PLD1: variants seen among roughly 807,000 people sequenced by gnomAD.
PLD1 encodes phospholipase D1.
Under a neutral mutation model 137.1 loss-of-function variants are expected in PLD1, and 112 were observed. That is an observed-to-expected ratio of 0.82 (90% CI 0.70 to 0.96). The LOEUF is 0.96. PLD1 is among the 40% of genes least tolerant of loss of function. The pLI, the probability that PLD1 is intolerant of heterozygous loss-of-function variation, is 0.00. For missense variants in PLD1, 1,321 were observed against 1,342.0 expected, an observed-to-expected ratio of 0.98 and a Z score of 0.24; for synonymous variants, 431 against 454.7, an observed-to-expected ratio of 0.95 and a Z score of 0.66.
intron 6 of PLD1, among the ~76,000 whole-genome samples, chr3:171,728,429 G>T (rs1054554223): frequency 6.6e-6 from 1 of 152,124 alleles, no homozygotes; most frequent in African/African-American, 2.4e-5. Flanking sequence ...TTCTTAATTG[G>T]AAAAGGTAAT....
At chr3:171,653,771 C>T (rs1348227059) in intron 21 of PLD1, 1 of 152,506 alleles carries the variant, frequency 6.6e-6, no homozygotes, top group African/African-American at 2.4e-5. Flanking sequence ...TAAGTTCTTA[C>T]ATGAACTGGT....
chr3:171,715,043 A>C (rs1261402299), intron 8 of PLD1, among the ~76,000 whole-genome samples: 2 of 152,226 alleles, frequency 1.3e-5, no homozygotes, highest in African/African-American at 4.8e-5. Context: ...TTGGGACCTA[A>C]CATGATACAA....
At chr3:171,767,247 G>A (rs1193587620) in intron 1 of PLD1, among the ~76,000 whole-genome samples, 1 of 152,122 alleles carries the variant, frequency 6.6e-6, no homozygotes, top group Non-Finnish European at 1.5e-5. Context: ...TTCTCCATAC[G>A]GCCTGGCCAC....
intron 11 of PLD1, among the ~76,000 whole-genome samples, chr3:171,707,569 C>T (rs1329984415): frequency 6.6e-6 from 1 of 152,126 alleles, no homozygotes; most frequent in Non-Finnish European, 1.5e-5. Flanking sequence ...CAGAATTAAG[C>T]TCCTCCACAA....
In PLD1 at chr3:171,692,581, C is replaced by A. The variant is rs140782934; in HGVS notation, c.1228-139G>T. 4 of 573,616 alleles carry A rather than the reference C, an allele frequency of 7.0e-6. 1 individual carries two copies. Among genetic ancestry groups the A allele is most frequent in the South Asian group, 4.2e-5 (2 of 47,222 alleles). The allele number at this position is 573,616 out of a possible 1,614,324, so 35.5% of individuals were successfully genotyped here. On this transcript the variant is annotated intron_variant, in intron 12 of 26. Transcript: ENST00000351298. Reference sequence around the variant, plus strand: ...TGTCACCCAGCCTGGAGTGCAGTGGCGCAATCTCGGCTCACTGCAACCTCC... The same window carrying A: ...TGTCACCCAGCCTGGAGTGCAGTGGAGCAATCTCGGCTCACTGCAACCTCC...
chr3:171,706,501 C>T (rs1047218251), intron 11 of PLD1, among the ~76,000 whole-genome samples: 8 of 152,020 alleles, frequency 5.3e-5, no homozygotes, highest in Admixed American at 2.0e-4. Context: ...CCTTTGTCTC[C>T]GGCCCAACCT....
intron 1 of PLD1, chr3:171,789,859 G>C (rs1306247354): frequency 6.6e-6 from 1 of 152,188 alleles, no homozygotes; most frequent in Admixed American, 6.5e-5. Context: ...CTCTCTTCAT[G>C]ACTACTAAAT....
intron 1 of PLD1, among the ~76,000 whole-genome samples, chr3:171,763,644 T>C (rs949012474): frequency 3.3e-5 from 5 of 152,066 alleles, no homozygotes; most frequent in Non-Finnish European, 5.9e-5. Context: ...TTATTTCCTC[T>C]GATATTATCT....
chr3:171,761,432 A>G (rs1466786561), intron 1 of PLD1, among the ~76,000 whole-genome samples: 1 of 152,148 alleles, frequency 6.6e-6, no homozygotes, highest in African/African-American at 2.4e-5. Context: ...GCTGGCATCT[A>G]CCTCAACTTC....
In PLD1 at chr3:171,672,495, A is replaced by AT. The variant is rs58654667; in HGVS notation, c.2229+2004dup. On this transcript the variant is annotated intron_variant, in intron 19 of 26. Coordinates refer to ENST00000351298, the MANE Select transcript of PLD1 (RefSeq NM_002662.5). ...TTCTTTTCTTTTAGTTTTTATTTTT[A>AT]TTTTTTTTTTTTGAGTCAGTCTCGC... 2.8e-3 allele frequency among the ~76,000 whole-genome samples: 385 copies of AT among 136,132 alleles called. 1 individual carries two copies. Among genetic ancestry groups the AT allele is most frequent in the Admixed American group, 3.5e-3 (49 of 14,118 alleles). The allele number at this position is 136,132 out of a possible 152,430, so 89.3% of individuals were successfully genotyped here.
intron 12 of PLD1, among the ~76,000 whole-genome samples, chr3:171,698,497 T>C (rs1375593646): frequency 6.6e-6 from 1 of 151,840 alleles, no homozygotes; most frequent in Non-Finnish European, 1.5e-5. Context: ...CTCAAGTAAA[T>C]GCATGGGGAA....
At chr3:171,789,355 G>C (rs1723132562) in intron 1 of PLD1, 1 of 152,280 alleles carries the variant, frequency 6.6e-6, no homozygotes, top group South Asian at 2.1e-4. Flanking sequence ...GGTCTTGAAT[G>C]ACACTCTAAG....
intron 25 of PLD1, among the ~76,000 whole-genome samples, chr3:171,606,031 C>T (rs1204497923): frequency 2.0e-5 from 3 of 152,200 alleles, no homozygotes. Flanking sequence ...TGAGAACACA[C>T]TCTGGGGGGC....
intron 21 of PLD1, among the ~76,000 whole-genome samples, chr3:171,648,594 G>A (rs570244694): frequency 2.0e-5 from 3 of 149,000 alleles, no homozygotes; most frequent in Non-Finnish European, 3.0e-5. Context: ...TCGCTCTGTC[G>A]CCTAGGCTGG....
At chr3:171,701,846 G>C (rs1716272038) in intron 11 of PLD1, among the ~76,000 whole-genome samples, 1 of 152,126 alleles carries the variant, frequency 6.6e-6, no homozygotes, top group Non-Finnish European at 1.5e-5. Flanking sequence ...CACTAAGAAA[G>C]AAAACATCAT....
chr3:171,604,698 G>GT (rs776410567), intron 26 of PLD1, among the ~76,000 whole-genome samples: 4 of 152,162 alleles, frequency 2.6e-5, no homozygotes, highest in Admixed American at 6.5e-5. Context: ...AATGGAGCCG[G>GT]TTTTAAAACA....
chr3:171,726,227 G>T (rs779442450), intron 6 of PLD1, 151 bp from the exon 7 acceptor site: 36 of 613,846 alleles, frequency 5.9e-5, no homozygotes, highest in Non-Finnish European at 9.6e-5. Context: ...CACTAAAAGA[G>T]TGCAGATTAG....
At chr3:171,805,661 C>T (rs1723814802) in intron 1 of PLD1, among the ~76,000 whole-genome samples, 1 of 152,106 alleles carries the variant, frequency 6.6e-6, no homozygotes, top group Non-Finnish European at 1.5e-5. Flanking sequence ...AACAGATTGT[C>T]TGAGTTGCAC....
chr3:171,666,667 T>C (rs1348595339), intron 19 of PLD1, among the ~76,000 whole-genome samples: 1 of 152,252 alleles, frequency 6.6e-6, no homozygotes, highest in Non-Finnish European at 1.5e-5. Flanking sequence ...GCATTTCTGT[T>C]TTAAACCAAT....
Sources: gnomAD v4.1 joint callset for allele counts (sites outside exome capture counted in the v4.1 genomes callset) on GRCh38, gnomAD v4.1.1 for gene constraint, MANE v1.5 for transcripts, NCBI Gene and HGNC (gene_info 2026-07-23, HGNC 2026-07-21) for gene names.